NTN1: variants seen among roughly 807,000 people sequenced by gnomAD.
The protein encoded by NTN1 is netrin 1.
NTN1 carries 11 observed loss-of-function variants against 54.2 expected under a neutral mutation model. That is an observed-to-expected ratio of 0.20 (90% CI 0.13 to 0.34). The LOEUF (loss-of-function observed/expected upper bound fraction) is 0.34. Ranked by LOEUF, NTN1 falls within the 10% of genes least tolerant of loss-of-function variation. The pLI is 1.00. For missense variants in NTN1, 740 were observed against 893.1 expected (o/e 0.83, Z 2.18); for synonymous variants, 371 against 382.0 (o/e 0.97, Z 0.33).
At chr17:9,198,038 C>T (rs1387273517) in intron 5 of NTN1, among the ~76,000 whole-genome samples, 1 of 152,204 alleles carries the variant, frequency 6.6e-6, no homozygotes, top group Admixed American at 6.5e-5. Flanking sequence ...GCCATCCACC[C>T]AGGTTATCGG....
intron 5 of NTN1, among the ~76,000 whole-genome samples, chr17:9,194,913 AT>A (rs1904582760): frequency 6.6e-6 from 1 of 152,108 alleles, no homozygotes; most frequent in Non-Finnish European, 1.5e-5. Context: ...AAAAATGGCA[AT>A]TTCCTAGAGT....
At chr17:9,120,663 G>A (rs1277080787) in intron 2 of NTN1, among the ~76,000 whole-genome samples, 1 of 152,194 alleles carries the variant, frequency 6.6e-6, no homozygotes, top group Non-Finnish European at 1.5e-5. Flanking sequence ...TCATCTGCAA[G>A]CGCCCCCAAG....
chr17:9,214,933 T>TG (rs1905183701), intron 5 of NTN1, among the ~76,000 whole-genome samples: 1 of 152,260 alleles, frequency 6.6e-6, no homozygotes, highest in Non-Finnish European at 1.5e-5. Flanking sequence ...TTGTCTTTAG[T>TG]GGTTGCTCTT....
At chr17:9,099,968 AT>A (rs1163558040) in intron 2 of NTN1, among the ~76,000 whole-genome samples, 1 of 151,876 alleles carries the variant, frequency 6.6e-6, no homozygotes, top group Non-Finnish European at 1.5e-5. Context: ...ATTTTAAAAA[AT>A]GTTTTTATTT....
At chr17:9,048,132 C>T (rs1416437992) in intron 2 of NTN1, among the ~76,000 whole-genome samples, 1 of 152,052 alleles carries the variant, frequency 6.6e-6, no homozygotes, top group African/African-American at 2.4e-5. Context: ...TTAAATAAAG[C>T]CAATAAAAAC....
At chr17:9,202,056 A>ACACACACACACACACACACACACAC (rs553874657) in intron 5 of NTN1, among the ~76,000 whole-genome samples, 1 of 14,288 alleles carries the variant, frequency 7.0e-5, no homozygotes, top group Non-Finnish European at 1.1e-4. Flanking sequence ...ACACACACAC[A>ACACACACACACACACACACACACAC]AAAAAAAAAA....
chr17:9,153,867 C>T (rs990903624), intron 2 of NTN1, among the ~76,000 whole-genome samples: 2 of 152,190 alleles, frequency 1.3e-5, no homozygotes, highest in African/African-American at 2.4e-5. Flanking sequence ...GCTCTCATGC[C>T]CTGCGTGGAC....
chr17:9,176,011 GGAA>G (rs1474532959), intron 3 of NTN1: 12 of 152,268 alleles, frequency 7.9e-5, no homozygotes, highest in Middle Eastern at 3.4e-3. Context: ...TTCCTATGGC[GGAA>G]GATGTTCTGA....
intron 2 of NTN1, among the ~76,000 whole-genome samples, chr17:9,131,625 G>GGT (rs1418496404): frequency 6.7e-6 from 1 of 148,488 alleles, no homozygotes; most frequent in Non-Finnish European, 1.5e-5. Flanking sequence ...CTGTTGCCCA[G>GGT]GCTACTATGC....
chr17:9,062,293 A>T (rs2092001368), intron 2 of NTN1, among the ~76,000 whole-genome samples: 1 of 152,222 alleles, frequency 6.6e-6, no homozygotes, highest in African/African-American at 2.4e-5. Flanking sequence ...TGGAGAAGCC[A>T]TCTAGGAAAA....
chr17:9,233,793 T>G (rs1468210660), intron 6 of NTN1, among the ~76,000 whole-genome samples: 1 of 151,868 alleles, frequency 6.6e-6, no homozygotes, highest in Non-Finnish European at 1.5e-5. Context: ...TGCCTTTCAC[T>G]GCAGCCAGGG....
At chr17:9,213,547 A>C (rs1267133185) in intron 5 of NTN1, among the ~76,000 whole-genome samples, 1 of 152,240 alleles carries the variant, frequency 6.6e-6, no homozygotes, top group African/African-American at 2.4e-5. Flanking sequence ...GTCTCCTGGT[A>C]AATGAGGCTG....
chr17:9,133,598 T>TC (rs1163375868), intron 2 of NTN1, among the ~76,000 whole-genome samples: 2 of 150,354 alleles, frequency 1.3e-5, no homozygotes, highest in Non-Finnish European at 3.0e-5. Flanking sequence ...TTTTTTTTTT[T>TC]TTTTTTTTGA....
At chr17:9,027,217 A>G (rs1270757117) in intron 2 of NTN1, among the ~76,000 whole-genome samples, 1 of 152,176 alleles carries the variant, frequency 6.6e-6, no homozygotes, top group Non-Finnish European at 1.5e-5. Flanking sequence ...GCTATAGATG[A>G]GTGAATGTTT....
At chr17:9,110,369 A>G (rs1009900453) in intron 2 of NTN1, among the ~76,000 whole-genome samples, 2 of 151,450 alleles carry the variant, frequency 1.3e-5, no homozygotes, top group African/African-American at 4.9e-5. Flanking sequence ...TCCCAGGTTT[A>G]AACAATTCTC....
At chr17:9,045,869 C>T (rs1267970744) in intron 2 of NTN1, among the ~76,000 whole-genome samples, 1 of 152,130 alleles carries the variant, frequency 6.6e-6, no homozygotes, top group Non-Finnish European at 1.5e-5. Context: ...AGAGACATAA[C>T]TAGAGATCCA....
At chr17:9,044,786 C>T (rs78077919) in intron 2 of NTN1, among the ~76,000 whole-genome samples, 1,523 of 152,236 alleles carry the variant, frequency 0.01, 26 homozygotes, top group African/African-American at 0.032. Flanking sequence ...ACTCGATCTT[C>T]CACAGATTAA....
In NTN1 at chr17:9,219,687, G is replaced by T. The variant is rs28655181; in HGVS notation, c.1412-1481G>T. 0.12 allele frequency among the ~76,000 whole-genome samples: 17,721 copies of T among 152,238 alleles called. 1,278 individuals are homozygous for T. The highest frequency in any genetic ancestry group is 0.2 in the African/African-American group (8,386 of 41,532). Reference sequence around the variant, plus strand: ...GCAGATCTAAGTCCTGGGTTGGGGTGCAGGTGGCACTGGGAGGCCTCTGCT... The same window carrying T: ...GCAGATCTAAGTCCTGGGTTGGGGTTCAGGTGGCACTGGGAGGCCTCTGCT... On this transcript the variant is annotated intron_variant, in intron 5 of 6. Coordinates refer to ENST00000173229, the MANE Select transcript of NTN1 (RefSeq NM_004822.3). This position sits in a 1 kb window ranked among gnomAD's most constrained non-coding sequence, Gnocchi z 4.5.
chr17:9,179,662 G>A (rs1336308128), intron 3 of NTN1, 145 bp from the exon 4 acceptor site: 9 of 1,025,114 alleles, frequency 8.8e-6, no homozygotes, highest in Middle Eastern at 6.1e-4. Context: ...TCCGGAGTGC[G>A]TTTGGGCTTG....
Sources: allele counts gnomAD v4.1 joint callset (sites outside exome capture counted in the v4.1 genomes callset), GRCh38; gene constraint gnomAD v4.1.1; non-coding constraint Gnocchi (gnomAD v3.1); transcripts MANE v1.5; gene names NCBI Gene and HGNC (gene_info 2026-07-23, HGNC 2026-07-21).